CRYBG1: variants seen among roughly 807,000 people sequenced by gnomAD.
CRYBG1 encodes crystallin beta-gamma domain containing 1, also known as beta/gamma crystallin domain-containing protein 1.
CRYBG1 carries 139 observed loss-of-function variants against 189.2 expected under a neutral mutation model. That is an observed-to-expected ratio of 0.73 (90% CI 0.64 to 0.85). CRYBG1 has a LOEUF of 0.85. Ranked by LOEUF, CRYBG1 falls within the 40% of genes least tolerant of loss-of-function variation. The pLI, the probability that CRYBG1 is intolerant of heterozygous loss-of-function variation, is 0.00. For missense variants in CRYBG1, 2,611 were observed against 2,675.8 expected (o/e 0.98, Z 0.53); for synonymous variants, 1,023 against 1,017.1 (o/e 1.01, Z -0.11).
chr6:106,472,986 T>C (rs1444959268), intron 2 of CRYBG1, among the ~76,000 whole-genome samples: 2 of 152,186 alleles, frequency 1.3e-5, no homozygotes, highest in Non-Finnish European at 2.9e-5. Context: ...ATAGGCTTTT[T>C]CTAAAGTTTC....
At chr6:106,458,372 G>T (rs140179230) in intron 2 of CRYBG1, among the ~76,000 whole-genome samples, 2 of 152,254 alleles carry the variant, frequency 1.3e-5, no homozygotes, top group East Asian at 3.9e-4. Flanking sequence ...CGTCCTTTAA[G>T]ATCCTGCTCA....
In CRYBG1 at chr6:106,558,502, C is replaced by T. The variant is rs766896448; in HGVS notation, c.5732C>T (p.Thr1911Ile). The part of the protein sequence containing the change: ...RFIDVEFSEP[T>I]IILFEREDFK... Reference sequence around the variant, plus strand: ...CCTCAACAGGAATTTTCTGAACCAACAATTATTCTCTTTGAAAGAGAAGAC... The same window carrying T: ...CCTCAACAGGAATTTTCTGAACCAATAATTATTCTCTTTGAAAGAGAAGAC... Residue 1911 changes from threonine (T) to isoleucine (I), a missense_variant, in exon 18 of 22, where the codon ACA becomes ATA. Thr to Ile is a moderately conservative substitution (Grantham distance 89, BLOSUM62 -1). This residue lies in a region of CRYBG1 where 1,622 missense variants were observed against 1,735.0 expected (regional missense o/e 0.93). Coordinates refer to ENST00000633556, the MANE Select transcript of CRYBG1 (RefSeq NM_001371242.2). 1.3e-6 allele frequency: 2 copies of T among 1,599,992 alleles called. No individual in the cohort carries two copies. Among genetic ancestry groups the T allele is most frequent in the South Asian group, 2.2e-5 (2 of 89,064 alleles).
intron 1 of CRYBG1, among the ~76,000 whole-genome samples, chr6:106,387,882 G>A (rs1255877488): frequency 2.0e-5 from 3 of 152,176 alleles, no homozygotes; most frequent in East Asian, 1.9e-4. Flanking sequence ...AACGTCACTC[G>A]TGAATTCTCA....
In CRYBG1 at chr6:106,456,122, T is replaced by C. The variant is rs79508240; in HGVS notation, c.312+4290T>C. On this transcript the variant is annotated intron_variant, in intron 2 of 21. Transcript: ENST00000633556. ...TCTGCTTTATTCTCAACTATCTCAG[T>C]GGTTCTAACCACTATTGTTTTTGAC... Among the ~76,000 whole-genome samples, 313 of 152,362 alleles carry C rather than the reference T, an allele frequency of 2.1e-3. 1 individual carries two copies. The highest frequency in any genetic ancestry group is 7.1e-3 in the African/African-American group (297 of 41,586).
chr6:106,384,827 G>T (rs1478083554), intron 1 of CRYBG1, among the ~76,000 whole-genome samples: 1 of 151,730 alleles, frequency 6.6e-6, no homozygotes, highest in Non-Finnish European at 1.5e-5. Context: ...AATTCACCTG[G>T]CTTATTCACA....
intron 2 of CRYBG1, among the ~76,000 whole-genome samples, chr6:106,492,954 AC>A (rs1772758052): frequency 6.8e-6 from 1 of 147,116 alleles, no homozygotes; most frequent in South Asian, 2.2e-4. Flanking sequence ...TCACAAATTA[AC>A]CTTTTTCTAT....
At chr6:106,470,804 A>G (rs73511046) in intron 2 of CRYBG1, among the ~76,000 whole-genome samples, 12,827 of 152,094 alleles carry the variant, frequency 0.084, 702 homozygotes, top group East Asian at 0.22. Flanking sequence ...TAGAGTTGGC[A>G]CTGTACAGTC....
chr6:106,450,585 C>A (rs201133819), intron 1 of CRYBG1, among the ~76,000 whole-genome samples: 1 of 152,170 alleles, frequency 6.6e-6, no homozygotes, highest in Admixed American at 6.5e-5. Context: ...AAGAATAGGA[C>A]GTTTATTATC....
intron 16 of CRYBG1, 103 bp from the exon 17 acceptor site, chr6:106,555,665 A>G (rs545665761): frequency 1.5e-6 from 2 of 1,345,402 alleles, no homozygotes; most frequent in East Asian, 2.4e-5. Flanking sequence ...TGCCAGAAGC[A>G]TTGTGTTTAT....
At position 106,430,792 on chromosome 6, in the gene CRYBG1, G is replaced by A. The variant is rs558119084; in HGVS notation, c.174-20902G>A. On this transcript the variant is annotated intron_variant, in intron 1 of 21. Transcript: ENST00000633556. ...ACCTCTTACAAGCAGCTCAGGAGAG[G>A]AAAATAACTATGCTTCAACATGAAG... Among the ~76,000 whole-genome samples, 10 of 152,242 alleles carry A rather than the reference G, an allele frequency of 6.6e-5. No homozygotes were observed. The South Asian group carries it at 1.9e-3, about 28-fold the overall frequency.
chr6:106,542,339 G>GT (rs1489532074), intron 10 of CRYBG1, among the ~76,000 whole-genome samples: 1 of 144,662 alleles, frequency 6.9e-6, no homozygotes, highest in East Asian at 2.0e-4. Context: ...CTGGTATACA[G>GT]TGGCACCATC....
chr6:106,561,289 G>C, intron 19 of CRYBG1, 53 bp from the exon 20 acceptor site: 1 of 1,579,172 alleles, frequency 6.3e-7, no homozygotes, highest in African/African-American at 1.4e-5. Context: ...TGCTTGTTCA[G>C]TGCTTCCAGC....
chr6:106,394,303 A>T (rs891257252), intron 1 of CRYBG1, among the ~76,000 whole-genome samples: 5 of 152,170 alleles, frequency 3.3e-5, no homozygotes, highest in Non-Finnish European at 7.3e-5. Context: ...TACCTTTCTT[A>T]TGATACATAT....
rs12665076 is a variant in CRYBG1 at position 106,495,454 on chromosome 6, C to T, written c.313-15976C>T. On this transcript the variant is annotated intron_variant, in intron 2 of 21. Coordinates refer to ENST00000633556, the MANE Select transcript of CRYBG1 (RefSeq NM_001371242.2). The stretch of plus-strand genomic sequence containing the variant: ...AGTTTTTCCTTTTCATTGCCTAAGA[C>T]TTTGTTTTGGACTTATATAGTATTA... Among the ~76,000 whole-genome samples the T allele has an allele frequency of 2.9e-3, 446 of 152,054 alleles. 11 individuals carry two copies. The East Asian group carries it at 0.063, about 22-fold the overall frequency.
chr6:106,515,518 G>C (rs1773397109), intron 3 of CRYBG1, among the ~76,000 whole-genome samples: 1 of 152,080 alleles, frequency 6.6e-6, no homozygotes, highest in African/African-American at 2.4e-5. Flanking sequence ...GAAATGATTA[G>C]TGAGAATTTT....
intron 2 of CRYBG1, among the ~76,000 whole-genome samples, chr6:106,470,471 G>T (rs1772209235): frequency 6.6e-6 from 1 of 152,110 alleles, no homozygotes; most frequent in Admixed American, 6.5e-5. Flanking sequence ...TACTTGGGAG[G>T]CTGAGGCAGG....
At chr6:106,440,403 T>C (rs1771546129) in intron 1 of CRYBG1, among the ~76,000 whole-genome samples, 1 of 152,054 alleles carries the variant, frequency 6.6e-6, no homozygotes, top group Non-Finnish European at 1.5e-5. Flanking sequence ...TAGCTGGGAC[T>C]GTAGGCGCAC....
chr6:106,571,750 C>A lies in CRYBG1; in HGVS notation c.*3184C>A. The A allele has an allele frequency of 2.3e-6, 1 of 426,192 alleles. No individual in the cohort carries two copies. Among genetic ancestry groups the A allele is most frequent in the Non-Finnish European group, 4.2e-6 (1 of 235,392 alleles). 26.4% of individuals were successfully genotyped at this position (426,192 alleles called of 1,614,324 possible). ...GTAAAACAGAAGGTGCCACAACAACCTGCAAAGCCAGTGTGAAGGAACAGC... is the reference window on the plus strand; with the variant it reads ...GTAAAACAGAAGGTGCCACAACAACATGCAAAGCCAGTGTGAAGGAACAGC... On this transcript the variant is annotated 3_prime_UTR_variant, in exon 22 of 22. Coordinates refer to ENST00000633556, the MANE Select transcript of CRYBG1 (RefSeq NM_001371242.2).
intron 17 of CRYBG1, among the ~76,000 whole-genome samples, chr6:106,556,839 C>T (rs1157466981): frequency 6.6e-6 from 1 of 152,048 alleles, no homozygotes; most frequent in Admixed American, 6.6e-5. Context: ...AAAATAGTAA[C>T]AAAGAAACAT....
Sources: allele counts gnomAD v4.1 joint callset (sites outside exome capture counted in the v4.1 genomes callset), GRCh38; gene constraint gnomAD v4.1.1; regional missense constraint gnomAD v4.1.1; transcripts MANE v1.5; gene names NCBI Gene and HGNC (gene_info 2026-07-23, HGNC 2026-07-21).